The following SAMD3 variants were observed in gnomAD, a reference collection of about 807,000 sequenced individuals.
The protein encoded by SAMD3 is sterile alpha motif domain containing 3, also known as sterile alpha motif domain-containing protein 3.
In SAMD3, 63 loss-of-function variants were observed where a neutral mutation model predicts 58.5. The ratio of observed to expected loss-of-function variants is 1.08; its 90% CI spans 0.88 to 1.33. The LOEUF is 1.33. SAMD3 is among the 40% of genes most tolerant of loss of function. The pLI is 0.00. For synonymous variants in SAMD3, 220 were observed against 210.3 expected (o/e 1.05, Z -0.40); for missense variants, 604 against 608.4 (o/e 0.99, Z 0.08).
intron 2 of SAMD3, among the ~76,000 whole-genome samples, chr6:130,244,068 G>A: frequency 6.6e-6 from 1 of 152,062 alleles, no homozygotes; most frequent in East Asian, 1.9e-4. Flanking sequence ...TCAAATAATG[G>A]CTCTTTTTCT....
At chr6:130,338,639 C>A (rs950693331) in intron 1 of SAMD3, among the ~76,000 whole-genome samples, 5 of 152,174 alleles carry the variant, frequency 3.3e-5, no homozygotes, top group Non-Finnish European at 7.3e-5. Flanking sequence ...CATCAGTGTG[C>A]CTTGGATGTA....
intron 2 of SAMD3, among the ~76,000 whole-genome samples, chr6:130,276,655 C>T (rs1048762957): frequency 6.6e-6 from 1 of 151,970 alleles, no homozygotes; most frequent in Non-Finnish European, 1.5e-5. Context: ...GTATAATTCC[C>T]TAATGGGTTC....
At chr6:130,196,155 T>C (rs997592833) in intron 5 of SAMD3, among the ~76,000 whole-genome samples, 4 of 152,204 alleles carry the variant, frequency 2.6e-5, no homozygotes, top group African/African-American at 9.7e-5. Context: ...TGTTTTAGGC[T>C]GACCATCATG....
At chr6:130,243,361 CACCTCTACCTCT>C in intron 2 of SAMD3, among the ~76,000 whole-genome samples, 2 of 152,258 alleles carry the variant, frequency 1.3e-5, no homozygotes, top group Admixed American at 1.3e-4. Flanking sequence ...AAGCAGAAGA[CACCTCTACCTCT>C]ACCTCTACCT....
chr6:130,315,419 T>G (rs1583092861), intron 1 of SAMD3, among the ~76,000 whole-genome samples: 1 of 152,194 alleles, frequency 6.6e-6, no homozygotes, highest in African/African-American at 2.4e-5. Context: ...TATGTGACCT[T>G]ACATAAAGTC....
chr6:130,170,680 T>A (rs1428499969), intron 8 of SAMD3, among the ~76,000 whole-genome samples: 1 of 152,208 alleles, frequency 6.6e-6, no homozygotes, highest in African/African-American at 2.4e-5. Context: ...TAGGTTGTAT[T>A]CCTAGGTATT....
chr6:130,187,362 T>A (rs1793098876), intron 5 of SAMD3, among the ~76,000 whole-genome samples: 1 of 152,090 alleles, frequency 6.6e-6, no homozygotes, highest in African/African-American at 2.4e-5. Flanking sequence ...ATTATTTCTA[T>A]CAAACATCCA....
chr6:130,251,103 ATCTG>A (rs1773723126), intron 2 of SAMD3, among the ~76,000 whole-genome samples: 1 of 152,170 alleles, frequency 6.6e-6, no homozygotes, highest in South Asian at 2.1e-4. Context: ...ACTTGCTATT[ATCTG>A]TCTTTTTGAT....
At chr6:130,298,061 C>T (rs1375257151) in intron 2 of SAMD3, among the ~76,000 whole-genome samples, 1 of 152,066 alleles carries the variant, frequency 6.6e-6, no homozygotes, top group Non-Finnish European at 1.5e-5. Context: ...ACCATATGAC[C>T]ATTCCTGAGG....
rs12665705 is a variant in SAMD3, at chr6:130,250,050, T to C, written c.-187-27237A>G. On this transcript the variant is annotated intron_variant, in intron 2 of 13. Transcript: ENST00000368134. ...CTCCCAGGGATGAAGTAATAGGAAATATGCGGGAATGGAGAGGCACAGGAG... is the reference window on the plus strand; with the variant it reads ...CTCCCAGGGATGAAGTAATAGGAAACATGCGGGAATGGAGAGGCACAGGAG... Among the ~76,000 whole-genome samples, 1,504 of 152,106 alleles carry C rather than the reference T, an allele frequency of 9.9e-3. 119 individuals are homozygous for C. In the East Asian group the frequency reaches 0.16, roughly 16 times the overall value.
At chr6:130,178,744 GC>G (rs1225545417) in intron 7 of SAMD3, among the ~76,000 whole-genome samples, 2 of 152,200 alleles carry the variant, frequency 1.3e-5, no homozygotes, top group Non-Finnish European at 2.9e-5. Context: ...AACTGCACTA[GC>G]CTTTTGGGAG....
rs561697634 is a variant in SAMD3, at chr6:130,169,987, G to C, written c.822+5854C>G. ...TTATTCTACTGAAAATCAAATGTTT[G>C]AGAAAAGTAACTTATGCATAATGTA... On this transcript the variant is annotated intron_variant, in intron 8 of 11. Coordinates refer to ENST00000439090, the MANE Select transcript of SAMD3 (RefSeq NM_001017373.4). Among the ~76,000 whole-genome samples the C allele has an allele frequency of 3.0e-3, 431 of 144,918 alleles. 4 individuals are homozygous for C. The highest frequency in any genetic ancestry group is 9.6e-3 in the African/African-American group (345 of 35,768).
chr6:130,161,017 T>G (rs918488635), intron 8 of SAMD3: 4 of 151,668 alleles, frequency 2.6e-5, no homozygotes, highest in African/African-American at 9.7e-5. Flanking sequence ...TAAGAATTCA[T>G]GCATATGTGA....
chr6:130,241,206 CTTTTT>C (rs57573903), intron 2 of SAMD3, among the ~76,000 whole-genome samples: 3 of 109,256 alleles, frequency 2.7e-5, no homozygotes, highest in South Asian at 3.0e-4. Flanking sequence ...CTTAAACCTC[CTTTTT>C]TTTTTTTTTT....
chr6:130,286,318 T>A (rs1425666848), intron 2 of SAMD3: 1 of 152,218 alleles, frequency 6.6e-6, no homozygotes, highest in Non-Finnish European at 1.5e-5. Flanking sequence ...AGAGGCAGTG[T>A]AGCAAGGGAA....
chr6:130,152,219 A>T (rs918547612), intron 9 of SAMD3, among the ~76,000 whole-genome samples: 1 of 152,172 alleles, frequency 6.6e-6, no homozygotes, highest in African/African-American at 2.4e-5. Flanking sequence ...GTGCAGGGAC[A>T]ACTGTCCTCT....
intron 2 of SAMD3, among the ~76,000 whole-genome samples, chr6:130,256,410 T>G (rs1773928395): frequency 6.6e-6 from 1 of 152,194 alleles, no homozygotes; most frequent in African/African-American, 2.4e-5. Context: ...CAGTGACCAC[T>G]GTGCACTAAA....
At chr6:130,326,622 A>G (rs773893561) in intron 1 of SAMD3, among the ~76,000 whole-genome samples, 1 of 152,224 alleles carries the variant, frequency 6.6e-6, no homozygotes, top group Non-Finnish European at 1.5e-5. Context: ...AATGGTGCAC[A>G]GAAGGCAGTC....
Position 130,144,645 on chromosome 6 carries a change from ACT to A in SAMD3, c.1436_1437del (p.Glu479ValfsTer65). On this transcript the variant is annotated frameshift_variant, in exon 12 of 12. Transcript: ENST00000439090. LOFTEE classifies it high-confidence loss of function. ...AAAGTTTGGGACAGTCTTCTTGGAC[ACT>A]CAATCCTAAATACATGAAAGGCAGC... ...LVAAFHVFRI[E>X]CPRRLSQTFN... 1.9e-6 allele frequency: 3 copies of A among 1,614,144 alleles called. No individual in the cohort carries two copies. Among genetic ancestry groups the A allele is most frequent in the Non-Finnish European group, 1.7e-6 (2 of 1,180,014 alleles).
Sources: allele counts gnomAD v4.1 joint callset (sites outside exome capture counted in the v4.1 genomes callset), GRCh38; gene constraint gnomAD v4.1.1; transcripts MANE v1.5; gene names NCBI Gene and HGNC (gene_info 2026-07-23, HGNC 2026-07-21).